The following BIRC6 variants were observed in gnomAD, a reference collection of about 807,000 sequenced individuals.
The protein encoded by BIRC6 is dual E2 ubiquitin-conjugating enzyme/E3 ubiquitin-protein ligase BIRC6.
A neutral mutation model predicts 503.3 loss-of-function variants in BIRC6; 98 were observed. The ratio of observed to expected loss-of-function variants is 0.19; its 90% confidence interval spans 0.17 to 0.23. BIRC6 has a LOEUF of 0.23. Ranked by LOEUF, BIRC6 falls within the 10% of genes least tolerant of loss-of-function variation. The pLI is 1.00. For missense variants in BIRC6, 5,360 were observed against 5,806.0 expected, an observed-to-expected ratio of 0.92 and a Z score of 2.50; for synonymous variants, 2,240 against 2,078.7, an observed-to-expected ratio of 1.08 and a Z score of -2.11.
At chr2:32,507,654 G>C (rs1473492194) in intron 50 of BIRC6, among the ~76,000 whole-genome samples, 1 of 152,158 alleles carries the variant, frequency 6.6e-6, no homozygotes, top group Non-Finnish European at 1.5e-5. Context: ...TAGAAATGAT[G>C]ACATAATTAC....
At chr2:32,577,492 A>T (rs1243174256) in intron 66 of BIRC6, among the ~76,000 whole-genome samples, 1 of 152,180 alleles carries the variant, frequency 6.6e-6, no homozygotes, top group East Asian at 1.9e-4. Flanking sequence ...TTACAAAGTG[A>T]AAATAAAACC....
At chr2:32,405,753 C>CTT (rs2041134729) in intron 8 of BIRC6, among the ~76,000 whole-genome samples, 2 of 152,176 alleles carry the variant, frequency 1.3e-5, no homozygotes, top group African/African-American at 4.8e-5. Context: ...TACACACTTG[C>CTT]TTATACAACT....
intron 45 of BIRC6, among the ~76,000 whole-genome samples, chr2:32,495,366 C>T (rs1360414296): frequency 1.3e-5 from 2 of 152,108 alleles, no homozygotes; most frequent in South Asian, 2.1e-4. Flanking sequence ...TTAAGAGGGT[C>T]CACAAAGCTG....
At position 32,442,462 on chromosome 2, in the gene BIRC6, A is replaced by G. The variant is rs372375797; in HGVS notation, c.4238+7A>G. The stretch of plus-strand genomic sequence containing the variant: ...TTCTAGCCTTGTGCATTAGGTTGGT[A>G]TGTTTTTAAGTTGAAAGCATACTTT... On this transcript the variant is annotated splice_region_variant and intron_variant, in intron 19 of 73. Coordinates refer to ENST00000421745, the MANE Select transcript of BIRC6 (RefSeq NM_016252.4). 39 of 1,593,242 alleles carry G rather than the reference A, an allele frequency of 2.4e-5. No individual in the cohort carries two copies. The highest frequency in any genetic ancestry group is 5.4e-5 in the African/African-American group (4 of 74,498).
intron 1 of BIRC6, among the ~76,000 whole-genome samples, chr2:32,371,857 G>C (rs914617325): frequency 1.3e-5 from 2 of 152,124 alleles, no homozygotes; most frequent in African/African-American, 4.8e-5. Flanking sequence ...CCAGGCTAGA[G>C]TGCAATGGCG....
At chr2:32,575,061 A>T in intron 65 of BIRC6, 95 bp from the exon 66 acceptor site, 1 of 1,350,592 alleles carries the variant, frequency 7.4e-7, no homozygotes, top group South Asian at 1.2e-5. Flanking sequence ...TCAGCTGTGG[A>T]CCTTGGTAAG....
intron 26 of BIRC6, 91 bp from the exon 27 acceptor site, chr2:32,467,434 T>C (rs575007628): frequency 8.9e-6 from 9 of 1,009,756 alleles, no homozygotes; most frequent in South Asian, 3.0e-5. Flanking sequence ...GTTGCTTTCA[T>C]ATTTTAAGAT....
At chr2:32,473,743 GTGTGTGTAT>G (rs2049370823) in intron 33 of BIRC6, among the ~76,000 whole-genome samples, 1 of 131,408 alleles carries the variant, frequency 7.6e-6, no homozygotes, top group African/African-American at 2.9e-5. Context: ...GTGTGTGTGT[GTGTGTGTAT>G]TTTTTTTTTT....
intron 12 of BIRC6, among the ~76,000 whole-genome samples, chr2:32,431,934 G>A (rs1332349910): frequency 6.6e-6 from 1 of 152,208 alleles, no homozygotes; most frequent in Non-Finnish European, 1.5e-5. Flanking sequence ...GTAAGAGTGA[G>A]AGAGTGAGAG....
At chr2:32,505,801 A>G (rs912124378) in intron 50 of BIRC6, among the ~76,000 whole-genome samples, 1 of 152,204 alleles carries the variant, frequency 6.6e-6, no homozygotes, top group African/African-American at 2.4e-5. Flanking sequence ...ACAAAATACT[A>G]TCACTTAAGA....
At chr2:32,549,804 G>A (rs764258843) in intron 65 of BIRC6, among the ~76,000 whole-genome samples, 21 of 152,108 alleles carry the variant, frequency 1.4e-4, no homozygotes, top group Non-Finnish European at 2.1e-4. Flanking sequence ...TCTGAATATG[G>A]TCAAATTTCT....
intron 13 of BIRC6, among the ~76,000 whole-genome samples, chr2:32,434,510 G>A (rs1180975766): frequency 2.6e-5 from 4 of 151,598 alleles, no homozygotes; most frequent in Admixed American, 1.3e-4. Context: ...CTTTGGGGGG[G>A]AAAAAATAAA....
intron 1 of BIRC6, among the ~76,000 whole-genome samples, chr2:32,360,392 A>G (rs149345600): frequency 4.2e-4 from 64 of 152,346 alleles, no homozygotes; most frequent in East Asian, 9.6e-4. Flanking sequence ...CAGTATATAC[A>G]CAGGCTGGGT....
intron 71 of BIRC6, 83 bp from the exon 72 acceptor site, chr2:32,607,372 G>C (rs188846711): frequency 6.9e-5 from 64 of 921,928 alleles, no homozygotes; most frequent in Non-Finnish European, 9.4e-5. Flanking sequence ...TATTAAAGAA[G>C]AGTCTTTGTG....
intron 59 of BIRC6, chr2:32,528,703 G>A (rs1397591939): frequency 6.6e-6 from 1 of 152,192 alleles, no homozygotes; most frequent in Admixed American, 6.5e-5. Context: ...TAGATTAAGA[G>A]TCAGGAATGA....
At chr2:32,601,503 C>T (rs1473503592) in intron 70 of BIRC6, among the ~76,000 whole-genome samples, 2 of 152,180 alleles carry the variant, frequency 1.3e-5, no homozygotes, top group Non-Finnish European at 2.9e-5. Flanking sequence ...AGTGCTTGAA[C>T]CCGGGAGGCG....
chr2:32,577,811 C>G (rs1461395755), intron 66 of BIRC6, among the ~76,000 whole-genome samples: 3 of 152,076 alleles, frequency 2.0e-5, no homozygotes, highest in Non-Finnish European at 2.9e-5. Flanking sequence ...AACTGGAGCT[C>G]TTTATTTTTC....
At chr2:32,503,541 C>T (rs2053442555) in intron 49 of BIRC6, among the ~76,000 whole-genome samples, 1 of 152,112 alleles carries the variant, frequency 6.6e-6, no homozygotes, top group Admixed American at 6.6e-5. Flanking sequence ...CCTGCCTCAG[C>T]CTCCCGAGTA....
intron 68 of BIRC6, 69 bp from the exon 69 acceptor site, chr2:32,597,682 T>TTTG (rs2061763863): frequency 1.8e-5 from 20 of 1,138,648 alleles, no homozygotes. Flanking sequence ...GGACTAGTGA[T>TTTG]TGTTTGTGAT....
Sources: gnomAD v4.1 joint callset for allele counts (sites outside exome capture counted in the v4.1 genomes callset) on GRCh38, gnomAD v4.1.1 for gene constraint, MANE v1.5 for transcripts, NCBI Gene and HGNC (gene_info 2026-07-23, HGNC 2026-07-21) for gene names.